The following SP140 variants were observed in gnomAD, a reference collection of about 807,000 sequenced individuals.
The protein encoded by SP140 is nuclear body protein SP140.
Under a neutral mutation model 125.0 loss-of-function variants are expected in SP140, and 81 were observed. The observed-to-expected ratio is 0.65, with a 90% CI of 0.54 to 0.78. The LOEUF (loss-of-function observed/expected upper bound fraction) is 0.78. Ranked by LOEUF, SP140 falls within the 30% of genes least tolerant of loss-of-function variation. The pLI, the probability that SP140 is intolerant of heterozygous loss-of-function variation, is 0.00. For missense variants in SP140, 858 were observed against 1,037.0 expected (o/e 0.83, Z 2.37); for synonymous variants, 312 against 354.0 (o/e 0.88, Z 1.33).
chr2:230,191,827 C>A, the SP140 span, among the ~76,000 whole-genome samples: 20 of 150,656 alleles, frequency 1.3e-4, no homozygotes, highest in African/African-American at 4.6e-4. Flanking sequence ...AGAGACACAA[C>A]AAAAAAAAAG....
intron 1 of SP140, among the ~76,000 whole-genome samples, chr2:230,212,600 C>T (rs543610932): frequency 6.0e-4 from 92 of 152,212 alleles, no homozygotes; most frequent in African/African-American, 2.1e-3. Flanking sequence ...ACCCACCCCC[C>T]GGCAGTGCTC....
Position 230,225,805 on chromosome 2 carries a change from G to T in SP140, c.-40G>T. 1 of 1,565,274 alleles carries T rather than the reference G, an allele frequency of 6.4e-7. No individual in the cohort carries two copies. On this transcript the variant is annotated 5_prime_UTR_variant, in exon 1 of 27. Coordinates refer to ENST00000392045, the MANE Select transcript of SP140 (RefSeq NM_007237.5). ...CCTCAGAGCTGCAGGAAGGAACGGG[G>T]CAGTGAAAATCGAATCGGGTGTGAT...
chr2:230,241,518 A>G (rs1313868173), intron 4 of SP140, 31 bp downstream of exon 4: 2 of 1,347,034 alleles, frequency 1.5e-6, no homozygotes, highest in South Asian at 2.3e-5. Flanking sequence ...CAATGCCCTT[A>G]TTAAAGTTTT....
chr2:230,255,683 T>C (rs567826626), intron 12 of SP140, 151 bp downstream of exon 12: 1 of 691,984 alleles, frequency 1.4e-6, no homozygotes, highest in Admixed American at 2.8e-5. Context: ...TTTCTGTACA[T>C]GAATCTTTTG....
chr2:230,254,418 A>G (rs2050838583), intron 11 of SP140, among the ~76,000 whole-genome samples: 1 of 152,172 alleles, frequency 6.6e-6, no homozygotes, highest in Non-Finnish European at 1.5e-5. Context: ...CTGCTCAGGT[A>G]GTGGAATCAT....
chr2:230,195,975 C>T, the SP140 span, among the ~76,000 whole-genome samples: 1 of 151,954 alleles, frequency 6.6e-6, no homozygotes, highest in African/African-American at 2.4e-5. Context: ...ATGAAGATGA[C>T]AAATTTATTT....
chr2:230,309,209 C>T (rs1188775116), intron 22 of SP140, among the ~76,000 whole-genome samples: 3 of 152,172 alleles, frequency 2.0e-5, no homozygotes, highest in Admixed American at 6.5e-5. Flanking sequence ...AGGTGAGGGC[C>T]TCTGTCTTCA....
chr2:230,291,054 A>G (rs2057055302), intron 19 of SP140, among the ~76,000 whole-genome samples: 8 of 152,220 alleles, frequency 5.3e-5, no homozygotes, highest in Admixed American at 5.2e-4. Context: ...GTCTCATCCA[A>G]GAGAGGGAAC....
At chr2:230,255,669 A>G (rs1264342944) in intron 12 of SP140, 137 bp downstream of exon 12, 14 of 742,620 alleles carry the variant, frequency 1.9e-5, no homozygotes, top group Non-Finnish European at 2.9e-5. Flanking sequence ...GAGATTTTTC[A>G]CATTTTCTGT....
At chr2:230,198,640 G>T (rs2042986493), upstream of SP140, among the ~76,000 whole-genome samples, 1 of 152,074 alleles carries the variant, frequency 6.6e-6, no homozygotes, top group South Asian at 2.1e-4. Flanking sequence ...TGTTGCCCAG[G>T]CTGGAGTGCA....
chr2:230,187,289 T>C, the SP140 span, among the ~76,000 whole-genome samples: 2 of 152,200 alleles, frequency 1.3e-5, no homozygotes, highest in Non-Finnish European at 2.9e-5. Flanking sequence ...TTCTTGGCCA[T>C]TTGAATATCT....
At chr2:230,240,803 G>C (rs1405638868) in intron 3 of SP140, among the ~76,000 whole-genome samples, 3 of 152,086 alleles carry the variant, frequency 2.0e-5, no homozygotes, top group Non-Finnish European at 2.9e-5. Flanking sequence ...TTCACTCCTA[G>C]GTATTTACAT....
At chr2:230,231,499 C>T (rs1017895789) in intron 1 of SP140, among the ~76,000 whole-genome samples, 1 of 152,142 alleles carries the variant, frequency 6.6e-6, no homozygotes, top group African/African-American at 2.4e-5. Flanking sequence ...CCCCTGCTTT[C>T]TCTGGGTTTC....
At chr2:230,221,656 G>A (rs1360307785), upstream of SP140, 15 of 1,512,514 alleles carry the variant, frequency 9.9e-6, no homozygotes, top group Non-Finnish European at 1.3e-5. Flanking sequence ...GGGGATGGCG[G>A]TGGTAAAGGA....
chr2:230,285,529 T>C (rs1355149177), intron 16 of SP140, among the ~76,000 whole-genome samples: 1 of 152,246 alleles, frequency 6.6e-6, no homozygotes, highest in Non-Finnish European at 1.5e-5. Context: ...AACATTCTCA[T>C]TTAAGTCTGT....
At position 230,212,404 on chromosome 2, in the gene SP140, T is replaced by C. The variant is rs756893316; in HGVS notation, c.-322-1250T>C. 1 of 1,612,270 alleles carries C rather than the reference T, an allele frequency of 6.2e-7. No individual in the cohort carries two copies. Among genetic ancestry groups the C allele is most frequent in the African/African-American group, 1.3e-5 (1 of 74,862 alleles). On this transcript the variant is annotated intron_variant, in intron 1 of 4. Coordinates refer to the SP140 transcript ENST00000456542. ...TCTTCTGAGTCTTCTTCCGCATTCA[T>C]TTTGGATGTTAACTTGTCATTGGTC...
chr2:230,225,409 G>A (rs886606513), upstream of SP140: 4 of 293,754 alleles, frequency 1.4e-5, no homozygotes, highest in Admixed American at 1.5e-4. Flanking sequence ...TCACTAAGGT[G>A]CATGGCCAGC....
At chr2:230,234,860 T>A in intron 1 of SP140, 1 of 152,242 alleles carries the variant, frequency 6.6e-6, no homozygotes. Flanking sequence ...TTCTTTTTTG[T>A]TCCCTGAAAC....
chr2:230,244,169 A>T (rs1559240152), intron 5 of SP140, among the ~76,000 whole-genome samples: 1 of 152,218 alleles, frequency 6.6e-6, no homozygotes. Context: ...CGAAAAACTA[A>T]ATGATAATTT....
Sources: gnomAD v4.1 joint callset for allele counts (sites outside exome capture counted in the v4.1 genomes callset) on GRCh38, gnomAD v4.1.1 for gene constraint, MANE v1.5 for transcripts, NCBI Gene and HGNC (gene_info 2026-07-23, HGNC 2026-07-21) for gene names.